TRAF3IP1: variants seen among roughly 807,000 people sequenced by gnomAD.
TRAF3IP1 encodes TRAF3-interacting protein 1.
Under a neutral mutation model 89.9 loss-of-function variants are expected in TRAF3IP1, and 53 were observed. The ratio of observed to expected loss-of-function variants is 0.59; its 90% confidence interval spans 0.47 to 0.74. TRAF3IP1 has a LOEUF of 0.74. TRAF3IP1 is among the 30% of genes least tolerant of loss of function. The pLI is 0.00. For synonymous variants in TRAF3IP1, 311 were observed against 322.1 expected, an observed-to-expected ratio of 0.97 and a Z score of 0.37; for missense variants, 806 against 866.1, an observed-to-expected ratio of 0.93 and a Z score of 0.87.
chr2:238,349,317 G>C lies in TRAF3IP1; in HGVS notation c.1368-8G>C. On this transcript the variant is annotated splice_region_variant and splice_polypyrimidine_tract_variant and intron_variant, in intron 11 of 16. Coordinates refer to ENST00000373327, the MANE Select transcript of TRAF3IP1 (RefSeq NM_015650.4). ...CTCCTTTTTTGGTTTTCCAATATTT[G>C]GGTTTAGAAGAATTCCTCGGCCTGG... 6.2e-7 allele frequency: 1 copy of C among 1,613,834 alleles called. No homozygotes were observed. The highest frequency in any genetic ancestry group is 8.5e-7 in the Non-Finnish European group (1 of 1,179,916).
chr2:238,397,307 TC>T, intron 15 of TRAF3IP1, 151 bp from the exon 16 acceptor site: 1 of 644,032 alleles, frequency 1.6e-6, no homozygotes, highest in Non-Finnish European at 2.7e-6. Flanking sequence ...AGCATGGCTC[TC>T]CCTTTGCATG....
rs1698859388 is a variant in TRAF3IP1 at position 238,345,684 on chromosome 2, G to A, written c.1261+1086G>A. Among the ~76,000 whole-genome samples, 1 of 152,190 alleles carries A rather than the reference G, an allele frequency of 6.6e-6. No individual in the cohort carries two copies. Among genetic ancestry groups the A allele is most frequent in the Non-Finnish European group, 1.5e-5 (1 of 68,026 alleles). ...CGCCCTGGGAGGGGAGAAGTGGTAG[G>A]ATTCCAGGGCTGCTGGCACGTGCTG... On this transcript the variant is annotated intron_variant, in intron 9 of 16. Coordinates refer to ENST00000373327, the MANE Select transcript of TRAF3IP1 (RefSeq NM_015650.4). This position sits in a 1 kb window ranked among gnomAD's most constrained non-coding sequence, Gnocchi z 4.7.
chr2:238,341,896 A>G (rs1698676967), intron 8 of TRAF3IP1, among the ~76,000 whole-genome samples: 1 of 151,966 alleles, frequency 6.6e-6, no homozygotes, highest in South Asian at 2.1e-4. Flanking sequence ...CTCACCTACA[A>G]GGTTCATTGG....
At chr2:238,356,655 T>C (rs1369744096) in intron 15 of TRAF3IP1, among the ~76,000 whole-genome samples, 1 of 152,164 alleles carries the variant, frequency 6.6e-6, no homozygotes, top group African/African-American at 2.4e-5. Context: ...GCCAAAGGCC[T>C]GTTGGGCTCT....
intron 5 of TRAF3IP1, among the ~76,000 whole-genome samples, chr2:238,332,028 A>G (rs1698151110): frequency 6.6e-6 from 1 of 152,166 alleles, no homozygotes; most frequent in African/African-American, 2.4e-5. Context: ...GCTAAGTTAG[A>G]CTGGCCATGT....
chr2:238,322,166 C>T (rs947284108), intron 1 of TRAF3IP1, among the ~76,000 whole-genome samples: 3 of 152,244 alleles, frequency 2.0e-5, no homozygotes, highest in African/African-American at 4.8e-5. Flanking sequence ...AGGCGGGTAC[C>T]CGTCCTCTGA....
chr2:238,327,836 T>G (rs1697914201), intron 3 of TRAF3IP1, among the ~76,000 whole-genome samples: 1 of 151,976 alleles, frequency 6.6e-6, no homozygotes, highest in African/African-American at 2.4e-5. Context: ...GGTCATAGAG[T>G]GTTTGTCATT....
chr2:238,357,256 C>T (rs184555318), intron 15 of TRAF3IP1, among the ~76,000 whole-genome samples: 126 of 152,246 alleles, frequency 8.3e-4, no homozygotes, highest in African/African-American at 2.8e-3. Context: ...GGGTGTGTCT[C>T]AAATGCCACA....
At chr2:238,388,593 CTTTTTTTT>C (rs752954955) in intron 15 of TRAF3IP1, among the ~76,000 whole-genome samples, 3 of 104,198 alleles carry the variant, frequency 2.9e-5, no homozygotes, top group Admixed American at 1.2e-4. Context: ...AAGAACACAA[CTTTTTTTT>C]TTTTTTTTTT....
chr2:238,325,746 C>T (rs1697793593), intron 2 of TRAF3IP1, 63 bp from the exon 3 acceptor site: 9 of 1,477,024 alleles, frequency 6.1e-6, no homozygotes, highest in Non-Finnish European at 8.4e-6. Context: ...GGTAAACATA[C>T]AGAAGATAAT....
At chr2:238,349,271 G>T in intron 11 of TRAF3IP1, 54 bp from the exon 12 acceptor site, 1 of 1,541,850 alleles carries the variant, frequency 6.5e-7, no homozygotes. Flanking sequence ...TTTCCAGTTT[G>T]AAATGTATAA....
At chr2:238,341,532 C>CT (rs781399446) in intron 8 of TRAF3IP1, among the ~76,000 whole-genome samples, 1,855 of 110,180 alleles carry the variant, frequency 0.017, 18 homozygotes, top group Admixed American at 0.033. Context: ...TTTTTCTATT[C>CT]TTTTTTTTTT....
intron 15 of TRAF3IP1, among the ~76,000 whole-genome samples, chr2:238,387,036 G>A (rs1700801393): frequency 6.6e-6 from 1 of 152,142 alleles, no homozygotes; most frequent in Admixed American, 6.5e-5. Context: ...CATGACTAAG[G>A]AATTGCATGT....
chr2:238,332,031 G>A (rs1406797899), intron 5 of TRAF3IP1, among the ~76,000 whole-genome samples: 1 of 152,208 alleles, frequency 6.6e-6, no homozygotes, highest in Non-Finnish European at 1.5e-5. Context: ...AAGTTAGACT[G>A]GCCATGTGGG....
chr2:238,385,057 C>G (rs565748532), intron 15 of TRAF3IP1, among the ~76,000 whole-genome samples: 1 of 152,138 alleles, frequency 6.6e-6, no homozygotes, highest in East Asian at 1.9e-4. Flanking sequence ...GCTCTGTCCC[C>G]CAGGCTGGAG....
chr2:238,356,179 C>A, intron 15 of TRAF3IP1, 99 bp downstream of exon 15: 1 of 968,918 alleles, frequency 1.0e-6, no homozygotes, highest in Non-Finnish European at 1.6e-6. Context: ...TTACCATTAT[C>A]AGTGATGTCT....
chr2:238,344,768 A>C, intron 9 of TRAF3IP1, 170 bp downstream of exon 9: 1 of 703,748 alleles, frequency 1.4e-6, no homozygotes, highest in East Asian at 2.7e-5. Context: ...AGAATCGAAC[A>C]TGGTGGTTTC....
intron 15 of TRAF3IP1, among the ~76,000 whole-genome samples, chr2:238,390,275 T>C (rs1208664266): frequency 6.6e-6 from 1 of 152,194 alleles, no homozygotes; most frequent in Non-Finnish European, 1.5e-5. Flanking sequence ...GGTTCTGCGA[T>C]GTTCACAGCA....
chr2:238,347,784 C>T (rs1475005143), intron 10 of TRAF3IP1, among the ~76,000 whole-genome samples: 5 of 151,976 alleles, frequency 3.3e-5, no homozygotes, highest in African/African-American at 7.3e-5. Context: ...TGCACCACCA[C>T]GCCCGGCTAA....
Sources: allele counts gnomAD v4.1 joint callset (sites outside exome capture counted in the v4.1 genomes callset), GRCh38; gene constraint gnomAD v4.1.1; non-coding constraint Gnocchi (gnomAD v3.1); transcripts MANE v1.5; gene names NCBI Gene and HGNC (gene_info 2026-07-23, HGNC 2026-07-21).